TP63: variants seen among roughly 807,000 people sequenced by gnomAD.
TP63 encodes the protein tumor protein 63.
Under a neutral mutation model 82.8 loss-of-function variants are expected in TP63, and 17 were observed. The observed-to-expected ratio is 0.21, with a 90% CI of 0.14 to 0.31. TP63 has a LOEUF of 0.31. Among genes scored for constraint, TP63 ranks in the 10% least tolerant of loss-of-function variants. TP63 has a pLI of 1.00. For missense variants in TP63, 648 were observed against 895.3 expected (o/e 0.72, Z 3.52); for synonymous variants, 330 against 321.7 (o/e 1.03, Z -0.28).
chr3:189,632,244 T>C (rs889472116), intron 1 of TP63, among the ~76,000 whole-genome samples: 2 of 152,144 alleles, frequency 1.3e-5, no homozygotes, highest in Non-Finnish European at 2.9e-5. Context: ...CATAAAGTTA[T>C]GGGAGATATT....
intron 1 of TP63, among the ~76,000 whole-genome samples, chr3:189,730,576 T>C (rs1331276622): frequency 6.6e-6 from 1 of 152,198 alleles, no homozygotes; most frequent in Non-Finnish European, 1.5e-5. Flanking sequence ...AACACCTGAG[T>C]AACAACTTCC....
At chr3:189,883,862 A>G (rs1720171954) in intron 10 of TP63, among the ~76,000 whole-genome samples, 1 of 152,156 alleles carries the variant, frequency 6.6e-6, no homozygotes. Flanking sequence ...AAATAGTCAA[A>G]AATAATAACC....
chr3:189,686,716 G>GGGGCA (rs1716470900), intron 1 of TP63, among the ~76,000 whole-genome samples: 2 of 147,010 alleles, frequency 1.4e-5, no homozygotes, highest in African/African-American at 5.0e-5. Context: ...TCAGGGGGTG[G>GGGGCA]GGGGCAGGGG....
At chr3:189,636,831 C>G (rs377432068) in intron 1 of TP63, among the ~76,000 whole-genome samples, 18 of 152,176 alleles carry the variant, frequency 1.2e-4, no homozygotes, top group African/African-American at 4.3e-4. Flanking sequence ...AGGAGCACCT[C>G]TTACCACCAC....
rs571383539 is a variant in TP63 at position 189,649,701 on chromosome 3, A to G, written c.62+18124A>G. On this transcript the variant is annotated intron_variant, in intron 1 of 13. Transcript: ENST00000264731. ...AAGGCCTGTCAGATTAAGAGACTCAATGAATTCAACTGCATTTTAGAGATC... is the reference window on the plus strand; with the variant it reads ...AAGGCCTGTCAGATTAAGAGACTCAGTGAATTCAACTGCATTTTAGAGATC... Among the ~76,000 whole-genome samples the G allele has an allele frequency of 8.2e-5, 12 of 146,956 alleles. 1 individual carries two copies. Among genetic ancestry groups the G allele is most frequent in the Middle Eastern group, 3.4e-3 (1 of 290 alleles).
chr3:189,893,954 A>C (rs1371057701), intron 13 of TP63, among the ~76,000 whole-genome samples: 1 of 152,118 alleles, frequency 6.6e-6, no homozygotes. Context: ...CAATTTTACC[A>C]ATGAAGAAAC....
intron 3 of TP63, among the ~76,000 whole-genome samples, chr3:189,745,870 G>C (rs577050476): frequency 6.6e-6 from 1 of 151,468 alleles, no homozygotes; most frequent in South Asian, 2.1e-4. Flanking sequence ...AACACAGTTA[G>C]ATAAAAATGA....
chr3:189,706,587 G>A (rs1343041277), intron 1 of TP63, among the ~76,000 whole-genome samples: 3 of 152,008 alleles, frequency 2.0e-5, no homozygotes, highest in East Asian at 3.9e-4. Flanking sequence ...TTTTTCCCTT[G>A]GAGACTCTTC....
At chr3:189,741,807 C>T (rs1448374189) in intron 3 of TP63, among the ~76,000 whole-genome samples, 2 of 152,124 alleles carry the variant, frequency 1.3e-5, no homozygotes, top group Admixed American at 6.5e-5. Context: ...GAATGTGTGC[C>T]TTCTTAATTT....
chr3:189,639,621 C>T (rs1264172400), intron 1 of TP63, among the ~76,000 whole-genome samples: 2 of 152,064 alleles, frequency 1.3e-5, no homozygotes, highest in Admixed American at 1.3e-4. Flanking sequence ...ACAGCAAACA[C>T]CCATTCTCAA....
chr3:189,844,417 G>A, intron 4 of TP63: 1 of 334,430 alleles, frequency 3.0e-6, no homozygotes, highest in Non-Finnish European at 6.1e-6. Context: ...TCCCAAGTAG[G>A]TGGGATTACA....
chr3:189,719,471 T>G (rs1412106269), intron 1 of TP63, among the ~76,000 whole-genome samples: 4 of 152,290 alleles, frequency 2.6e-5, no homozygotes, highest in Middle Eastern at 3.4e-3. Flanking sequence ...AAGTTCTACC[T>G]GACCAATCAA....
chr3:189,671,556 A>G (rs1714893773), intron 1 of TP63, among the ~76,000 whole-genome samples: 1 of 152,136 alleles, frequency 6.6e-6, no homozygotes, highest in Non-Finnish European at 1.5e-5. Context: ...CAAAGGAAAG[A>G]AAATACATAT....
chr3:189,835,494 G>A (rs1713000649), intron 4 of TP63, among the ~76,000 whole-genome samples: 1 of 152,130 alleles, frequency 6.6e-6, no homozygotes, highest in African/African-American at 2.4e-5. Context: ...CAGCCTCCTG[G>A]TGTCTCAGAT....
chr3:189,883,000 C>T (rs573984017), intron 10 of TP63, among the ~76,000 whole-genome samples: 44 of 152,194 alleles, frequency 2.9e-4, no homozygotes, highest in African/African-American at 9.6e-4. Context: ...ATACACCTTA[C>T]GATTTTTTTC....
At chr3:189,726,008 T>C (rs1719749868) in intron 1 of TP63, among the ~76,000 whole-genome samples, 1 of 137,118 alleles carries the variant, frequency 7.3e-6, no homozygotes, top group South Asian at 2.7e-4. Context: ...TGAGCCGAGA[T>C]CATGCCATTG....
At chr3:189,865,450 A>T (rs905027266) in intron 5 of TP63, among the ~76,000 whole-genome samples, 1 of 152,216 alleles carries the variant, frequency 6.6e-6, no homozygotes, top group Admixed American at 6.5e-5. Context: ...AGTTCCATGA[A>T]GGGAGACTAA....
At chr3:189,646,032 A>T (rs1372710231) in intron 1 of TP63, among the ~76,000 whole-genome samples, 4 of 147,366 alleles carry the variant, frequency 2.7e-5, no homozygotes, top group African/African-American at 1.0e-4. Flanking sequence ...ACAAGAACTC[A>T]AGGTGATTTG....
intron 1 of TP63, among the ~76,000 whole-genome samples, chr3:189,724,674 G>A (rs1247773352): frequency 6.6e-6 from 1 of 152,236 alleles, no homozygotes; most frequent in Non-Finnish European, 1.5e-5. Flanking sequence ...TAACAGAGAT[G>A]TTTTGCAAGA....
Sources: gnomAD v4.1 joint callset for allele counts (sites outside exome capture counted in the v4.1 genomes callset) on GRCh38, gnomAD v4.1.1 for gene constraint, MANE v1.5 for transcripts, NCBI Gene and HGNC (gene_info 2026-07-23, HGNC 2026-07-21) for gene names.